The following CEP97 variants were observed in gnomAD, a reference collection of about 807,000 sequenced individuals.
CEP97 encodes the protein centrosomal protein 97.
A neutral mutation model predicts 73.1 loss-of-function variants in CEP97; 43 were observed. That is an observed-to-expected ratio of 0.59 (90% CI 0.46 to 0.76). The LOEUF (loss-of-function observed/expected upper bound fraction) is 0.76, where lower values mean the gene tolerates loss of function less well. Among genes scored for constraint, CEP97 ranks in the 30% least tolerant of loss-of-function variants. The pLI, the probability that CEP97 is intolerant of heterozygous loss-of-function variation, is 0.00. For missense variants in CEP97, 939 were observed against 1,014.0 expected (o/e 0.93, Z 1.00); for synonymous variants, 337 against 370.0 (o/e 0.91, Z 1.02).
At position 101,765,198 on chromosome 3, in the gene CEP97, G is replaced by C. The variant is rs1395454088; in HGVS notation, c.2245G>C (p.Gly749Arg). 2.5e-6 allele frequency: 4 copies of C among 1,614,196 alleles called. No homozygotes were observed. Among genetic ancestry groups the C allele is most frequent in the South Asian group, 1.1e-5 (1 of 91,082 alleles). Residue 749 changes from glycine (G) to arginine (R), a missense_variant, in exon 11 of 11, where the codon GGG (glycine) becomes CGG (arginine). Transcript: ENST00000341893. ...CAGATATGGCAAAGAATCAGATTTA[G>C]GGGATGTTAGTGAAGAACATGGTGA... ...TVRYGKESDL[G>R]DVSEEHGEWN...
intron 6 of CEP97, among the ~76,000 whole-genome samples, chr3:101,752,599 A>C (rs1188958433): frequency 6.6e-6 from 1 of 152,004 alleles, no homozygotes; most frequent in Non-Finnish European, 1.5e-5. Flanking sequence ...GTTTCTTTTT[A>C]TTCTTTTTTC....
At chr3:101,749,284 A>G (rs1560016003) in intron 6 of CEP97, among the ~76,000 whole-genome samples, 1 of 150,518 alleles carries the variant, frequency 6.6e-6, no homozygotes, top group Non-Finnish European at 1.5e-5. Context: ...TGAGAATGAT[A>G]ATTTCCAATT....
Position 101,758,335 on chromosome 3 carries a change from T to C in CEP97, c.1729T>C (p.Tyr577His). 1 of 1,614,162 alleles carries C rather than the reference T, an allele frequency of 6.2e-7. No homozygotes were observed. ...ACWRGFYARN[Y>H]NPQAKDVRYE... ...TTGGCGGGGATTTTATGCCAGGAAC[T>C]ACAACCCTCAAGCCAAAGATGTGCG... Residue 577 changes from tyrosine (Y) to histidine (H), a missense_variant, in exon 9 of 11, where the codon TAC becomes CAC. Transcript: ENST00000341893.
chr3:101,761,908 C>G (rs541182186), intron 9 of CEP97, among the ~76,000 whole-genome samples: 95 of 152,228 alleles, frequency 6.2e-4, no homozygotes, highest in Non-Finnish European at 1.1e-3. Flanking sequence ...TGAGCCCAGA[C>G]CTCAGACTTT....
At chr3:101,729,540 T>C (rs1439742093) in intron 4 of CEP97, among the ~76,000 whole-genome samples, 1 of 152,088 alleles carries the variant, frequency 6.6e-6, no homozygotes, top group Non-Finnish European at 1.5e-5. Context: ...TAGTACATAA[T>C]CTTTGGTGAG....
chr3:101,764,632 G>T (rs1191784247), intron 10 of CEP97, among the ~76,000 whole-genome samples: 1 of 149,540 alleles, frequency 6.7e-6, no homozygotes, highest in African/African-American at 2.5e-5. Flanking sequence ...AAAAAAATTA[G>T]GCAGACATGG....
intron 6 of CEP97, among the ~76,000 whole-genome samples, chr3:101,737,211 G>A (rs539853482): frequency 4.6e-5 from 7 of 152,132 alleles, no homozygotes; most frequent in Admixed American, 1.3e-4. Flanking sequence ...CAAACTTAAC[G>A]TTTTATTGGT....
intron 10 of CEP97, among the ~76,000 whole-genome samples, 183 bp from the exon 11 acceptor site, chr3:101,764,664 G>A (rs1394077103): frequency 6.6e-6 from 1 of 151,482 alleles, no homozygotes; most frequent in African/African-American, 2.4e-5. Flanking sequence ...TGGAGTCCTA[G>A]CTGGTTAGGA....
chr3:101,734,154 C>T (rs2107139368), intron 6 of CEP97, among the ~76,000 whole-genome samples: 1 of 152,300 alleles, frequency 6.6e-6, no homozygotes, highest in South Asian at 2.1e-4. Context: ...ACCTGTGAAG[C>T]AGCAGAAGCA....
At chr3:101,750,091 A>T (rs1425899275) in intron 6 of CEP97, among the ~76,000 whole-genome samples, 1 of 141,756 alleles carries the variant, frequency 7.1e-6, no homozygotes, top group Admixed American at 7.1e-5. Context: ...CTGAATGGTA[A>T]TGCCTAGGTT....
intron 10 of CEP97, 72 bp downstream of exon 10, chr3:101,762,632 G>C: frequency 3.4e-6 from 4 of 1,189,162 alleles, no homozygotes; most frequent in Non-Finnish European, 3.6e-6. Flanking sequence ...GATAATCATA[G>C]AGTACTCAGG....
At chr3:101,725,705 T>C (rs149334351) in intron 1 of CEP97, among the ~76,000 whole-genome samples, 534 of 152,286 alleles carry the variant, frequency 3.5e-3, no homozygotes, top group Non-Finnish European at 5.7e-3. Flanking sequence ...GTAGTCCTAA[T>C]CTGGGTGTAA....
chr3:101,735,151 A>G (rs1344308072), intron 6 of CEP97, among the ~76,000 whole-genome samples: 1 of 152,254 alleles, frequency 6.6e-6, no homozygotes, highest in Non-Finnish European at 1.5e-5. Context: ...GAAACTAAAG[A>G]GAGTGTCAAG....
chr3:101,752,224 CCACT>C (rs1202416322), intron 6 of CEP97, among the ~76,000 whole-genome samples: 4 of 152,154 alleles, frequency 2.6e-5, no homozygotes, highest in African/African-American at 9.7e-5. Context: ...TTATTGGCCC[CCACT>C]CTCTTCTGGC....
In CEP97 at chr3:101,757,726, A is replaced by G. The variant is rs764202248; in HGVS notation, c.1120A>G (p.Thr374Ala). 6.2e-7 allele frequency: 1 copy of G among 1,614,226 alleles called. No homozygotes were observed. The highest frequency in any genetic ancestry group is 8.5e-7 in the Non-Finnish European group (1 of 1,180,030). ...VKNNFPASVH[T>A]TRYSRNDLHL... ...GAATAATTTTCCAGCCTCTGTACACACTACGAGATATTCTCGAAATGATCT... is the reference window on the plus strand; with the variant it reads ...GAATAATTTTCCAGCCTCTGTACACGCTACGAGATATTCTCGAAATGATCT... Residue 374 changes from threonine (T) to alanine (A), a missense_variant, in exon 9 of 11, where the codon ACT becomes GCT. Thr to Ala is a moderately conservative substitution (Grantham distance 58). Coordinates refer to ENST00000341893, the MANE Select transcript of CEP97 (RefSeq NM_024548.4).
At chr3:101,764,793 A>C in intron 10 of CEP97, 54 bp from the exon 11 acceptor site, 5 of 1,498,018 alleles carry the variant, frequency 3.3e-6, no homozygotes, top group Non-Finnish European at 4.5e-6. Flanking sequence ...AAAAACAAAC[A>C]AACAAAAACA....
chr3:101,726,881 G>T, intron 2 of CEP97, 145 bp downstream of exon 2: 1 of 559,324 alleles, frequency 1.8e-6, no homozygotes. Context: ...TTCTTCTGAA[G>T]ATGAACATAC....
Position 101,765,020 on chromosome 3 carries a change from T to C in CEP97, c.2067T>C (p.Ala689=). ...ATTGGTTTATTGCTTCTGATGTAGCTCCTCAAGAGAAATCATTACCAGAAT... is the reference window on the plus strand; with the variant it reads ...ATTGGTTTATTGCTTCTGATGTAGCCCCTCAAGAGAAATCATTACCAGAAT... The part of the protein sequence containing the change: ...NADWFIASDV[A]PQEKSLPEFP... The change falls in exon 11 of 11, where the codon GCT becomes GCC. Residue 689 remains alanine (A), a synonymous_variant. Coordinates refer to ENST00000341893, the MANE Select transcript of CEP97 (RefSeq NM_024548.4). 1 of 1,614,172 alleles carries C rather than the reference T, an allele frequency of 6.2e-7. No homozygotes were observed. The highest frequency in any genetic ancestry group is 8.5e-7 in the Non-Finnish European group (1 of 1,180,024).
intron 6 of CEP97, among the ~76,000 whole-genome samples, chr3:101,734,875 A>G (rs1462609360): frequency 6.6e-6 from 1 of 152,206 alleles, no homozygotes; most frequent in Admixed American, 6.5e-5. Flanking sequence ...AGAGAGACCC[A>G]CAAAGAGAGA....
Sources: allele counts gnomAD v4.1 joint callset (sites outside exome capture counted in the v4.1 genomes callset), GRCh38; gene constraint gnomAD v4.1.1; transcripts MANE v1.5; gene names NCBI Gene and HGNC (gene_info 2026-07-23, HGNC 2026-07-21).